Variants in ANK3 observed in about 807,000 individuals in gnomAD.
The protein encoded by ANK3 is ankyrin 3.
Under a neutral mutation model 370.9 loss-of-function variants are expected in ANK3, and 57 were observed. The ratio of observed to expected loss-of-function variants is 0.15; its 90% CI spans 0.12 to 0.19. ANK3 has a LOEUF of 0.19. ANK3 is among the 10% of genes least tolerant of loss of function. The pLI, the probability that ANK3 is intolerant of heterozygous loss-of-function variation, is 1.00. For synonymous variants in ANK3, 1,929 were observed against 1,946.3 expected (o/e 0.99, Z 0.23); for missense variants, 4,439 against 5,302.1 (o/e 0.84, Z 5.06).
At chr10:60,636,090 A>T (rs7098813) in intron 1 of ANK3, among the ~76,000 whole-genome samples, 1 of 83,928 alleles carries the variant, frequency 1.2e-5, no homozygotes, top group Non-Finnish European at 2.7e-5. Flanking sequence ...GAATTAGTTT[A>T]AAAACTAAAA....
rs561494600 is a variant in ANK3 at position 60,070,252 on chromosome 10, G to A, written c.10629C>T (p.Asp3543=). The change falls in exon 37 of 44, where the codon GAC becomes GAT. Residue 3543 remains aspartate (D), a synonymous_variant. Coordinates refer to ENST00000280772, the MANE Select transcript of ANK3 (RefSeq NM_020987.5). The surrounding 1 kb of genome is among the most constrained non-coding windows in gnomAD (Gnocchi z 5.7). The part of the protein sequence containing the change: ...KTVATKGLDF[D]PWSNNRGDDE... Reference sequence around the variant, plus strand: ...CATCCCCTCGGTTATTAGACCAAGGGTCAAAATCTAGACCTTTGGTAGCTA... The same window carrying A: ...CATCCCCTCGGTTATTAGACCAAGGATCAAAATCTAGACCTTTGGTAGCTA... 1.2e-6 allele frequency: 2 copies of A among 1,614,078 alleles called. No individual in the cohort carries two copies. Among genetic ancestry groups the A allele is most frequent in the East Asian group, 4.5e-5 (2 of 44,862 alleles).
intron 1 of ANK3, among the ~76,000 whole-genome samples, chr10:60,304,406 G>T (rs748963915): frequency 6.6e-6 from 1 of 152,172 alleles, no homozygotes; most frequent in Non-Finnish European, 1.5e-5. Context: ...ACTTTGGGAG[G>T]CTGAGGTGGG....
intron 13 of ANK3, among the ~76,000 whole-genome samples, 156 bp downstream of exon 13, chr10:60,199,973 T>C (rs2096647777): frequency 6.6e-6 from 1 of 152,230 alleles, no homozygotes; most frequent in South Asian, 2.1e-4. Context: ...AGGGAAGGGA[T>C]TTTTTACAAT....
chr10:60,697,475 G>T (rs1359062867), intron 1 of ANK3, among the ~76,000 whole-genome samples: 3 of 150,756 alleles, frequency 2.0e-5, no homozygotes, highest in African/African-American at 7.3e-5. Flanking sequence ...AACAAAGCTG[G>T]AGGCATCACG....
chr10:60,083,719 C>T (rs2085883318), intron 32 of ANK3, 102 bp from the exon 33 acceptor site: 8 of 996,058 alleles, frequency 8.0e-6, no homozygotes, highest in East Asian at 7.7e-5. Flanking sequence ...TACTATGTTA[C>T]ACGTGTCTCT....
At chr10:60,377,593 G>GA (rs1274860368) in intron 1 of ANK3, among the ~76,000 whole-genome samples, 7 of 152,104 alleles carry the variant, frequency 4.6e-5, no homozygotes, top group African/African-American at 1.7e-4. Flanking sequence ...GATGATGAGG[G>GA]AGAGATAAAA....
intron 7 of ANK3, among the ~76,000 whole-genome samples, chr10:60,244,729 A>G (rs1404515507): frequency 6.6e-6 from 1 of 152,230 alleles, no homozygotes; most frequent in African/African-American, 2.4e-5. Context: ...AATACACGGA[A>G]GCAAAGATTA....
At chr10:60,202,447 A>G (rs1472289130) in intron 12 of ANK3, among the ~76,000 whole-genome samples, 1 of 152,198 alleles carries the variant, frequency 6.6e-6, no homozygotes, top group African/African-American at 2.4e-5. Flanking sequence ...AAAACATAAT[A>G]TCCAGTAGTA....
chr10:60,239,009 G>T (rs1022388965), intron 7 of ANK3, among the ~76,000 whole-genome samples: 2 of 152,096 alleles, frequency 1.3e-5, no homozygotes. Context: ...AGAGTAAATT[G>T]CTTTGTGGGC....
intron 2 of ANK3, among the ~76,000 whole-genome samples, chr10:60,442,202 T>C (rs1226904307): frequency 6.6e-6 from 1 of 151,420 alleles, no homozygotes; most frequent in African/African-American, 2.4e-5. Flanking sequence ...TTCAAGCAAT[T>C]CTCCTGTCTC....
intron 7 of ANK3, among the ~76,000 whole-genome samples, chr10:60,239,775 T>C (rs1333975806): frequency 6.6e-6 from 1 of 151,776 alleles, no homozygotes; most frequent in Non-Finnish European, 1.5e-5. Context: ...GTTTATAATA[T>C]ATGCAAAAGT....
At chr10:60,604,709 G>T (rs1327110751) in intron 2 of ANK3, among the ~76,000 whole-genome samples, 1 of 152,086 alleles carries the variant, frequency 6.6e-6, no homozygotes, top group Admixed American at 6.6e-5. Context: ...GGGGTTTCCA[G>T]AACCAAAGAT....
intron 25 of ANK3, among the ~76,000 whole-genome samples, chr10:60,129,569 T>C (rs144012574): frequency 7.2e-5 from 11 of 152,272 alleles, no homozygotes; most frequent in Admixed American, 5.2e-4. Context: ...CTGGGCAACA[T>C]GGCAAAATTC....
At chr10:60,191,393 A>C (rs2096477597) in intron 16 of ANK3, among the ~76,000 whole-genome samples, 1 of 152,168 alleles carries the variant, frequency 6.6e-6, no homozygotes, top group Non-Finnish European at 1.5e-5. Flanking sequence ...AAGAAAAAAA[A>C]AAATCCATTA....
At chr10:60,349,141 A>G (rs1381065690) in intron 1 of ANK3, among the ~76,000 whole-genome samples, 1 of 152,160 alleles carries the variant, frequency 6.6e-6, no homozygotes, top group South Asian at 2.1e-4. Flanking sequence ...CTTGAAGGAG[A>G]AAAATGCAGA....
At chr10:60,056,156 T>A in intron 41 of ANK3, 120 bp from the exon 42 acceptor site, 1 of 1,206,436 alleles carries the variant, frequency 8.3e-7, no homozygotes, top group Non-Finnish European at 1.1e-6. Context: ...AATAGAAAAG[T>A]GTGAAAAGTG....
chr10:60,543,363 C>T (rs1284279388), intron 2 of ANK3, among the ~76,000 whole-genome samples: 1 of 151,992 alleles, frequency 6.6e-6, no homozygotes, highest in Non-Finnish European at 1.5e-5. Context: ...AAGATATTTA[C>T]TGCAACATTT....
intron 2 of ANK3, among the ~76,000 whole-genome samples, chr10:60,459,553 C>T (rs1343594617): frequency 2.0e-5 from 3 of 152,172 alleles, no homozygotes; most frequent in Non-Finnish European, 4.4e-5. Flanking sequence ...TTAAGATCAT[C>T]TGCTTTCAAT....
At chr10:60,160,641 C>CA (rs1299889841) in intron 23 of ANK3, among the ~76,000 whole-genome samples, 1 of 151,856 alleles carries the variant, frequency 6.6e-6, no homozygotes, top group African/African-American at 2.4e-5. Flanking sequence ...AACACAAATG[C>CA]AAAAAATCTT....
Sources: allele counts gnomAD v4.1 joint callset (sites outside exome capture counted in the v4.1 genomes callset), GRCh38; gene constraint gnomAD v4.1.1; non-coding constraint Gnocchi (gnomAD v3.1); transcripts MANE v1.5; gene names NCBI Gene and HGNC (gene_info 2026-07-23, HGNC 2026-07-21).